GABBR2: variants seen among roughly 807,000 people sequenced by gnomAD.
GABBR2 encodes the protein G-protein coupled receptor 51.
Under a neutral mutation model 105.6 loss-of-function variants are expected in GABBR2, and 23 were observed. That is an observed-to-expected ratio of 0.22 (90% confidence interval 0.16 to 0.31). GABBR2 has a LOEUF of 0.31. GABBR2 is among the 10% of genes least tolerant of loss of function. The pLI is 1.00. For missense variants in GABBR2, 734 were observed against 1,245.5 expected, an observed-to-expected ratio of 0.59 and a Z score of 6.18; for synonymous variants, 478 against 499.7, an observed-to-expected ratio of 0.96 and a Z score of 0.58.
rs138030657 is a variant in GABBR2 at position 98,640,430 on chromosome 9, T to C, written c.322-62358A>G. ...GGTGGCATACAGGGGCAGATTACCC[T>C]CATCTGGCAAGGCATAGTGCAAATA... On this transcript the variant is annotated intron_variant, in intron 1 of 18. Transcript: ENST00000259455. Among the ~76,000 whole-genome samples the C allele has an allele frequency of 3.3e-3, 495 of 152,176 alleles. 1 individual carries two copies. Among genetic ancestry groups the C allele is most frequent in the Middle Eastern group, 0.014 (4 of 294 alleles).
intron 3 of GABBR2, among the ~76,000 whole-genome samples, chr9:98,498,764 T>TG (rs140616820): frequency 0.054 from 8,209 of 152,278 alleles, 326 homozygotes; most frequent in South Asian, 0.14. Context: ...AACTAGTCAA[T>TG]GGGGGGAAAA....
intron 13 of GABBR2, among the ~76,000 whole-genome samples, chr9:98,316,917 T>C (rs983503320): frequency 9.2e-5 from 14 of 152,258 alleles, no homozygotes; most frequent in African/African-American, 3.1e-4. Context: ...CCCAGGCGTG[T>C]GTGACTCTCA....
intron 3 of GABBR2, among the ~76,000 whole-genome samples, chr9:98,529,239 T>C (rs1486714307): frequency 6.6e-6 from 1 of 151,730 alleles, no homozygotes; most frequent in Non-Finnish European, 1.5e-5. Flanking sequence ...TGTTGGAATA[T>C]AGGAAGAAAG....
intron 2 of GABBR2, among the ~76,000 whole-genome samples, chr9:98,560,434 CACACACAT>C (rs1007808602): frequency 7.3e-6 from 1 of 136,752 alleles, no homozygotes; most frequent in Non-Finnish European, 1.6e-5. Context: ...CATACACACA[CACACACAT>C]ACACACACAC....
intron 9 of GABBR2, among the ~76,000 whole-genome samples, chr9:98,393,759 G>A (rs1305887188): frequency 6.6e-6 from 1 of 152,246 alleles, no homozygotes; most frequent in Non-Finnish European, 1.5e-5. Flanking sequence ...CAGAAGAGGT[G>A]TCATTTGAGC....
At chr9:98,664,398 A>T (rs1345171104) in intron 1 of GABBR2, among the ~76,000 whole-genome samples, 1 of 152,138 alleles carries the variant, frequency 6.6e-6, no homozygotes, top group Non-Finnish European at 1.5e-5. Flanking sequence ...CCTCAATTAC[A>T]CTGCTCTCCC....
intron 13 of GABBR2, among the ~76,000 whole-genome samples, chr9:98,313,781 C>G (rs1830672110): frequency 6.6e-6 from 1 of 151,978 alleles, no homozygotes; most frequent in Non-Finnish European, 1.5e-5. Context: ...TTTGATGGGA[C>G]CCAGGGGTAG....
chr9:98,653,477 T>C (rs1465855156), intron 1 of GABBR2, among the ~76,000 whole-genome samples: 6 of 152,244 alleles, frequency 3.9e-5, no homozygotes, highest in Admixed American at 3.3e-4. Context: ...TAAATGTTGG[T>C]TGAAAAACAG....
chr9:98,328,157 C>A (rs1434276244), intron 13 of GABBR2, among the ~76,000 whole-genome samples: 2 of 151,876 alleles, frequency 1.3e-5, no homozygotes, highest in Non-Finnish European at 2.9e-5. Flanking sequence ...CCTCATCTCA[C>A]AAACCCCTGT....
chr9:98,593,473 G>A (rs1829176063), intron 1 of GABBR2, among the ~76,000 whole-genome samples: 1 of 152,182 alleles, frequency 6.6e-6, no homozygotes, highest in Admixed American at 6.5e-5. Flanking sequence ...ACAAGAGGAA[G>A]AGTAGCCTCT....
At position 98,311,204 on chromosome 9, in the gene GABBR2, G is replaced by A. The variant is rs775001610; in HGVS notation, c.1895C>T (p.Pro632Leu). 2 of 1,605,456 alleles carry A rather than the reference G, an allele frequency of 1.2e-6. No homozygotes were observed. The highest frequency in any genetic ancestry group is 1.1e-5 in the South Asian group (1 of 90,884). ...GGAGATATCCCGTCCTGCTGGGTCC[G>A]GCTGTGCAAAGAGAAAACAGAGACT... ...RRTVEKYSME[P>L]DPAGRDISIR... The change falls in exon 14 of 19, where the codon CCG becomes CTG. Residue 632 changes from proline to leucine, a missense_variant and splice_region_variant. Pro to Leu is a moderately conservative substitution (Grantham distance 98). This residue lies in a region of GABBR2 where 52 missense variants were observed against 81.3 expected (regional missense o/e 0.64). Coordinates refer to ENST00000259455, the MANE Select transcript of GABBR2 (RefSeq NM_005458.8).
chr9:98,495,206 G>A (rs1436948216), intron 4 of GABBR2, among the ~76,000 whole-genome samples: 1 of 152,246 alleles, frequency 6.6e-6, no homozygotes, highest in Non-Finnish European at 1.5e-5. Context: ...ATCTGCTCTG[G>A]AGGAGGTGGT....
At chr9:98,481,050 A>C in intron 4 of GABBR2, 53 bp from the exon 5 acceptor site, 2 of 1,067,418 alleles carry the variant, frequency 1.9e-6, no homozygotes, top group Non-Finnish European at 2.9e-6. Flanking sequence ...GCACCCCATA[A>C]AGGGTTCAAG....
chr9:98,476,133 G>T (rs1826788842), intron 5 of GABBR2, among the ~76,000 whole-genome samples: 3 of 152,126 alleles, frequency 2.0e-5, no homozygotes, highest in Non-Finnish European at 2.9e-5. Flanking sequence ...AGACACAAAG[G>T]CAGATTTTCT....
intron 7 of GABBR2, among the ~76,000 whole-genome samples, chr9:98,434,785 G>A (rs1825871685): frequency 6.6e-6 from 1 of 152,194 alleles, no homozygotes; most frequent in South Asian, 2.1e-4. Flanking sequence ...CTCCACAAGT[G>A]GCTGCGGGCA....
chr9:98,620,103 A>G lies in GABBR2; in HGVS notation c.322-42031T>C, dbSNP rs544237405. Among the ~76,000 whole-genome samples the G allele has an allele frequency of 4.6e-5, 7 of 152,334 alleles. No individual in the cohort carries two copies. The South Asian group carries it at 1.4e-3, about 32-fold the overall frequency. ...CTGGCCCACAGGAGGCAGTCAGCAA[A>G]TGCCAATTCTCCCAAACCCCTTGAT... On this transcript the variant is annotated intron_variant, in intron 1 of 18. Transcript: ENST00000259455.
intron 1 of GABBR2, among the ~76,000 whole-genome samples, chr9:98,595,522 G>A (rs546458646): frequency 1.5e-5 from 1 of 68,614 alleles, no homozygotes; most frequent in South Asian, 3.4e-4. Flanking sequence ...TGGTACTTGT[G>A]CTGAGTCTTG....
chr9:98,470,401 A>G (rs936679455), intron 6 of GABBR2, among the ~76,000 whole-genome samples: 7 of 152,310 alleles, frequency 4.6e-5, no homozygotes, highest in Admixed American at 3.3e-4. Flanking sequence ...AGAAAGGATG[A>G]GAGCCAAGCA....
At position 98,320,966 on chromosome 9, in the gene GABBR2, C is replaced by T. The variant is rs1028539909; in HGVS notation, c.1894-9761G>A. The stretch of plus-strand genomic sequence containing the variant: ...CACAATGTGCACATGTACCCTAAAA[C>T]TTAAAGTATAATAATACAAAATAAA... On this transcript the variant is annotated intron_variant, in intron 13 of 18. Coordinates refer to ENST00000259455, the MANE Select transcript of GABBR2 (RefSeq NM_005458.8). 3.3e-5 allele frequency among the ~76,000 whole-genome samples: 5 copies of T among 151,688 alleles called. 1 individual carries two copies. Among genetic ancestry groups the T allele is most frequent in the Middle Eastern group, 3.4e-3 (1 of 294 alleles).
Sources: allele counts gnomAD v4.1 joint callset (sites outside exome capture counted in the v4.1 genomes callset), GRCh38; gene constraint gnomAD v4.1.1; regional missense constraint gnomAD v4.1.1; transcripts MANE v1.5; gene names NCBI Gene and HGNC (gene_info 2026-07-23, HGNC 2026-07-21).